PCDHGA8: variants seen among roughly 807,000 people sequenced by gnomAD.
The protein encoded by PCDHGA8 is protocadherin gamma-A8.
Under a neutral mutation model 59.2 loss-of-function variants are expected in PCDHGA8, and 45 were observed. That is an observed-to-expected ratio of 0.76 (90% CI 0.60 to 0.98). The LOEUF (loss-of-function observed/expected upper bound fraction) is 0.98, where lower values mean the gene tolerates loss of function less well. Ranked by LOEUF, PCDHGA8 falls within the 50% of genes least tolerant of loss-of-function variation. The pLI is 0.00. For missense variants in PCDHGA8, 1,257 were observed against 1,196.2 expected, an observed-to-expected ratio of 1.05 and a Z score of -0.75; for synonymous variants, 531 against 519.0, an observed-to-expected ratio of 1.02 and a Z score of -0.32.
chr5:141,432,137 T>A lies in PCDHGA8; in HGVS notation c.2424+36900T>A. On this transcript the variant is annotated intron_variant, in intron 1 of 3. Coordinates refer to ENST00000398604, the MANE Select transcript of PCDHGA8 (RefSeq NM_032088.2). The surrounding 1 kb of genome is among the most constrained non-coding windows in gnomAD (Gnocchi z 6.0). ...CTTCCCTCAGGCCTCCTATTCCGCT[T>A]ATATCCCAGAGAACAATCCCAGAGG... 6.2e-7 allele frequency: 1 copy of A among 1,613,964 alleles called. No homozygotes were observed. Among genetic ancestry groups the A allele is most frequent in the Non-Finnish European group, 8.5e-7 (1 of 1,179,984 alleles).
Position 141,485,784 on chromosome 5 carries a change from A to G in PCDHGA8, c.2425-9023A>G, listed in dbSNP as rs760859851. The G allele has an allele frequency of 1.9e-6, 3 of 1,614,096 alleles. No individual in the cohort carries two copies. The African/African-American group carries it at 4.0e-5, about 22-fold the overall frequency. On this transcript the variant is annotated intron_variant, in intron 1 of 3. Transcript: ENST00000398604. This position sits in a 1 kb window ranked among gnomAD's most constrained non-coding sequence, Gnocchi z 5.7. Reference sequence around the variant, plus strand: ...CTGGAGAAGCCTTTGGATCGAGAGAAGCAATCGGACTACCGCCTGGTGCTG... The same window carrying G: ...CTGGAGAAGCCTTTGGATCGAGAGAGGCAATCGGACTACCGCCTGGTGCTG...
chr5:141,428,050 T>C (rs1222417053), intron 1 of PCDHGA8: 1 of 1,608,844 alleles, frequency 6.2e-7, no homozygotes, highest in Non-Finnish European at 8.5e-7. Flanking sequence ...GTGACCAAGG[T>C]GGTGGCGGTG....
chr5:141,393,806 CA>C lies in PCDHGA8; in HGVS notation c.996del (p.Lys332AsnfsTer9), dbSNP rs1489692597. ...ATGTGGGGGCACTTCTGGGGAGGAC[CA>C]AATTGCTCATTTCGGTGGAAGATGT... Reference protein sequence around the residue: ...EDVGALLGRTKLLISVEDVND... With the variant: ...EDVGALLGRTXLLISVEDVND... On this transcript the variant is annotated frameshift_variant, in exon 1 of 4. Transcript: ENST00000398604. LOFTEE classifies it high-confidence loss of function. The C allele has an allele frequency of 6.2e-7, 1 of 1,613,866 alleles. No individual in the cohort carries two copies. The highest frequency in any genetic ancestry group is 8.5e-7 in the Non-Finnish European group (1 of 1,179,890).
At chr5:141,502,074 C>G (rs73794927) in intron 2 of PCDHGA8, among the ~76,000 whole-genome samples, 1,657 of 152,272 alleles carry the variant, frequency 0.011, 27 homozygotes, top group African/African-American at 0.037. Flanking sequence ...CCCCCTTCAC[C>G]TGGGGCTGAG....
chr5:141,414,106 CTAGA>C, intron 1 of PCDHGA8: 1 of 1,592,656 alleles, frequency 6.3e-7, no homozygotes, highest in Non-Finnish European at 8.6e-7. Flanking sequence ...ATCAGAAAAT[CTAGA>C]TTATGAAGAA....
chr5:141,428,082 G>A lies in PCDHGA8; in HGVS notation c.2424+32845G>A, dbSNP rs776612130. 2.5e-6 allele frequency: 4 copies of A among 1,609,030 alleles called. No individual in the cohort carries two copies. In the African/African-American group the frequency reaches 5.3e-5, roughly 21 times the overall value. On this transcript the variant is annotated intron_variant, in intron 1 of 3. Transcript: ENST00000398604. ...GGTGGACGCAGATTCGGGACACAACGCTTGGCTGTCCTACCACGTGCTGCA... is the reference window on the plus strand; with the variant it reads ...GGTGGACGCAGATTCGGGACACAACACTTGGCTGTCCTACCACGTGCTGCA...
Position 141,431,354 on chromosome 5 carries a change from G to GCC in PCDHGA8, c.2424+36119_2424+36120dup. The GCC allele has an allele frequency of 6.2e-7, 1 of 1,614,036 alleles. No individual in the cohort carries two copies. Among genetic ancestry groups the GCC allele is most frequent in the African/African-American group, 1.3e-5 (1 of 75,052 alleles). On this transcript the variant is annotated intron_variant, in intron 1 of 3. Transcript: ENST00000398604. This position sits in a 1 kb window ranked among gnomAD's most constrained non-coding sequence, Gnocchi z 4.8. Reference sequence around the variant, plus strand: ...GTACCCCGAATTGGTGCTGAAACGCGCCCTGGACCGCGAAGAAAAGGCTGC... The same window carrying GCC: ...GTACCCCGAATTGGTGCTGAAACGCGCCCCCTGGACCGCGAAGAAAAGGCTGC...
rs141873183 is a variant in PCDHGA8 at position 141,511,011 on chromosome 5, C to T, written c.2637C>T (p.Tyr879=). The T allele has an allele frequency of 1.5e-5, 24 of 1,614,082 alleles. No individual in the cohort carries two copies. Among genetic ancestry groups the T allele is most frequent in the Middle Eastern group, 1.6e-4 (1 of 6,084 alleles). Residue 879 remains tyrosine (Y), a synonymous_variant, in exon 4 of 4, where the codon TAC becomes TAT. Transcript: ENST00000398604. ...GAGTMGLSAR[Y]GPQFTLQHVP... The stretch of plus-strand genomic sequence containing the variant: ...GCACCATGGGATTGAGCGCCCGCTA[C>T]GGACCCCAGTTCACCCTGCAGCACG...
At position 141,487,571 on chromosome 5, in the gene PCDHGA8, G is replaced by A; in HGVS notation, c.2425-7236G>A. The A allele has an allele frequency of 4.3e-6, 7 of 1,614,178 alleles. No individual in the cohort carries two copies. The highest frequency in any genetic ancestry group is 5.9e-6 in the Non-Finnish European group (7 of 1,180,038). On this transcript the variant is annotated intron_variant, in intron 1 of 3. Coordinates refer to ENST00000398604, the MANE Select transcript of PCDHGA8 (RefSeq NM_032088.2). This position sits in a 1 kb window ranked among gnomAD's most constrained non-coding sequence, Gnocchi z 5.0. ...CAGTGCACCTATGGCAGGGGAGCCTGTTCGCCCAAGCTGCCCACCCTCTGA... is the reference window on the plus strand; with the variant it reads ...CAGTGCACCTATGGCAGGGGAGCCTATTCGCCCAAGCTGCCCACCCTCTGA...
At chr5:141,407,615 A>T (rs780052436) in intron 1 of PCDHGA8, among the ~76,000 whole-genome samples, 2 of 152,140 alleles carry the variant, frequency 1.3e-5, no homozygotes, top group Non-Finnish European at 2.9e-5. Context: ...GCATTGGTTG[A>T]CATTCTATAT....
intron 1 of PCDHGA8, chr5:141,413,845 C>G: frequency 6.2e-7 from 1 of 1,613,242 alleles, no homozygotes. Flanking sequence ...CGGGGGTGAC[C>G]CTCTCCGATC....
intron 1 of PCDHGA8, among the ~76,000 whole-genome samples, chr5:141,452,356 C>G (rs1008914676): frequency 6.6e-6 from 1 of 152,148 alleles, no homozygotes; most frequent in African/African-American, 2.4e-5. Flanking sequence ...ATCCAAAAGC[C>G]TTGCTTCATT....
intron 1 of PCDHGA8, among the ~76,000 whole-genome samples, chr5:141,444,703 T>A (rs963617867): frequency 6.6e-6 from 1 of 152,248 alleles, no homozygotes; most frequent in Non-Finnish European, 1.5e-5. Context: ...TTCCTCTTTC[T>A]GTTGAATTTG....
intron 1 of PCDHGA8, chr5:141,442,491 T>G (rs1438583747): frequency 6.6e-6 from 1 of 152,236 alleles, no homozygotes; most frequent in Non-Finnish European, 1.5e-5. Flanking sequence ...AGGGGATGAT[T>G]GTGATTATTC....
chr5:141,403,341 C>T (rs1279947533), intron 1 of PCDHGA8: 1 of 1,613,988 alleles, frequency 6.2e-7, no homozygotes, highest in Non-Finnish European at 8.5e-7. Flanking sequence ...AACGACAGCG[C>T]CCCAAAGTTC....
rs749221752 is a variant in PCDHGA8 at position 141,432,670 on chromosome 5, G to T, written c.2424+37433G>T. ...CGCGAGCCCTGCTGGACAGAGACGCGCTCAAGCAGAGCCTCGTAGTGGCCG... is the reference window on the plus strand; with the variant it reads ...CGCGAGCCCTGCTGGACAGAGACGCTCTCAAGCAGAGCCTCGTAGTGGCCG... On this transcript the variant is annotated intron_variant, in intron 1 of 3. Coordinates refer to ENST00000398604, the MANE Select transcript of PCDHGA8 (RefSeq NM_032088.2). This position sits in a 1 kb window ranked among gnomAD's most constrained non-coding sequence, Gnocchi z 6.0. 7 of 1,613,750 alleles carry T rather than the reference G, an allele frequency of 4.3e-6. No homozygotes were observed. The African/African-American group carries it at 5.3e-5, about 12-fold the overall frequency.
chr5:141,421,426 A>G, intron 1 of PCDHGA8: 2 of 1,614,104 alleles, frequency 1.2e-6, no homozygotes, highest in South Asian at 1.1e-5. Context: ...CGGAGTCCGC[A>G]TCGTCTCCAG....
At chr5:141,438,635 T>TAC (rs56854727) in intron 1 of PCDHGA8, among the ~76,000 whole-genome samples, 5 of 33,422 alleles carry the variant, frequency 1.5e-4, no homozygotes, top group Admixed American at 8.3e-4. Flanking sequence ...TATATATATA[T>TAC]ACACACACAC....
chr5:141,438,231 TG>T (rs987686126), intron 1 of PCDHGA8, among the ~76,000 whole-genome samples: 1 of 152,082 alleles, frequency 6.6e-6, no homozygotes, highest in African/African-American at 2.4e-5. Context: ...TTCAGGAAAA[TG>T]TTTTTAAAAA....
Sources: gnomAD v4.1 joint callset for allele counts (sites outside exome capture counted in the v4.1 genomes callset) on GRCh38, gnomAD v4.1.1 for gene constraint, Gnocchi (gnomAD v3.1) non-coding constraint, MANE v1.5 for transcripts, NCBI Gene and HGNC (gene_info 2026-07-23, HGNC 2026-07-21) for gene names.